Variants in HYCC2 observed in about 807,000 individuals in gnomAD.
The protein encoded by HYCC2 is hyccin 2.
the HYCC2 span, chr2:200,980,244 A>G: frequency 9.2e-5 from 14 of 152,718 alleles, no homozygotes; most frequent in Non-Finnish European, 8.8e-5. Context: ...TTATAGTCTG[A>G]CATAACAGAA....
the HYCC2 span, among the ~76,000 whole-genome samples, chr2:201,032,918 G>A: frequency 1.1e-4 from 17 of 151,882 alleles, no homozygotes; most frequent in African/African-American, 4.1e-4. Context: ...AAGTTTTTTA[G>A]ATAATTATAA....
chr2:201,020,164 C>T, the HYCC2 span, among the ~76,000 whole-genome samples: 1 of 152,124 alleles, frequency 6.6e-6, no homozygotes, highest in Non-Finnish European at 1.5e-5. Context: ...TTCTCAAATT[C>T]TTAATATAAA....
the HYCC2 span, among the ~76,000 whole-genome samples, chr2:201,061,625 T>C: frequency 1.7e-4 from 25 of 149,870 alleles, no homozygotes; most frequent in South Asian, 2.7e-3. Context: ...TTCATACTTA[T>C]AGTTTTTTTT....
the HYCC2 span, chr2:201,063,808 T>C: frequency 6.3e-7 from 1 of 1,590,788 alleles, no homozygotes; most frequent in African/African-American, 1.3e-5. Flanking sequence ...ATGATGGCAG[T>C]GGGGATGGCT....
the HYCC2 span, chr2:201,017,266 TAA>T: frequency 1.1e-6 from 1 of 892,884 alleles, no homozygotes; most frequent in East Asian, 2.7e-5. Flanking sequence ...ATAATATTTT[TAA>T]AAGTCTTAAT....
chr2:201,059,811 C>T, the HYCC2 span, among the ~76,000 whole-genome samples: 1 of 151,942 alleles, frequency 6.6e-6, no homozygotes, highest in African/African-American at 2.4e-5. Flanking sequence ...TTTGGGAGGC[C>T]GAGGCGGGTG....
chr2:201,010,531 C>A, the HYCC2 span, among the ~76,000 whole-genome samples: 1 of 152,152 alleles, frequency 6.6e-6, no homozygotes, highest in African/African-American at 2.4e-5. Context: ...CATTTACCTA[C>A]ATGATTATCA....
chr2:201,011,216 T>G, the HYCC2 span, among the ~76,000 whole-genome samples: 1 of 151,828 alleles, frequency 6.6e-6, no homozygotes, highest in African/African-American at 2.4e-5. Context: ...CTAAAGAAAA[T>G]TTTCATTATT....
the HYCC2 span, among the ~76,000 whole-genome samples, chr2:201,012,234 C>T: frequency 4.0e-5 from 6 of 151,894 alleles, no homozygotes; most frequent in African/African-American, 9.7e-5. Flanking sequence ...CCAAGGCAGT[C>T]GGATCGCTTC....
At chr2:201,031,591 C>A in the HYCC2 span, among the ~76,000 whole-genome samples, 1 of 152,084 alleles carries the variant, frequency 6.6e-6, no homozygotes, top group Non-Finnish European at 1.5e-5. Flanking sequence ...GCGGAGGTTG[C>A]GGTGAGCCGA....
the HYCC2 span, chr2:201,022,050 G>A: frequency 1.6e-6 from 2 of 1,287,678 alleles, no homozygotes; most frequent in African/African-American, 3.0e-5. Context: ...CTGGTTAGGA[G>A]AGGATTACCT....
chr2:201,000,521 A>G, the HYCC2 span, among the ~76,000 whole-genome samples: 3 of 152,348 alleles, frequency 2.0e-5, no homozygotes, highest in East Asian at 1.9e-4. Flanking sequence ...CCAGAATGCC[A>G]TATCACTCTT....
the HYCC2 span, among the ~76,000 whole-genome samples, chr2:200,985,903 C>T: frequency 6.6e-6 from 1 of 152,208 alleles, no homozygotes; most frequent in African/African-American, 2.4e-5. Flanking sequence ...AATCTAATCC[C>T]ACACTTTCTG....
At chr2:200,999,028 G>C in the HYCC2 span, among the ~76,000 whole-genome samples, 1 of 152,128 alleles carries the variant, frequency 6.6e-6, no homozygotes, top group African/African-American at 2.4e-5. Flanking sequence ...GCTGTGATGG[G>C]GGTGGATGCC....
chr2:201,027,112 T>TA, the HYCC2 span, among the ~76,000 whole-genome samples: 1 of 151,818 alleles, frequency 6.6e-6, no homozygotes, highest in African/African-American at 2.4e-5. Flanking sequence ...ATAGATGCAA[T>TA]AAAAAATGAT....
chr2:201,043,671 G>A, the HYCC2 span, among the ~76,000 whole-genome samples: 2 of 151,704 alleles, frequency 1.3e-5, no homozygotes, highest in Admixed American at 1.3e-4. Context: ...ACCATGCCTG[G>A]CTAATTTTTT....
the HYCC2 span, among the ~76,000 whole-genome samples, chr2:201,036,245 T>C: frequency 2.0e-5 from 3 of 152,150 alleles, no homozygotes; most frequent in Non-Finnish European, 4.4e-5. Context: ...ATTGAGGCAA[T>C]AATTAATAGC....
the HYCC2 span, among the ~76,000 whole-genome samples, chr2:201,000,209 C>A: frequency 6.6e-6 from 1 of 151,510 alleles, no homozygotes; most frequent in Admixed American, 6.6e-5. Flanking sequence ...CCTGTTGGTA[C>A]AAAAATAATT....
chr2:200,981,166 G>A, the HYCC2 span: 157 of 1,348,204 alleles, frequency 1.2e-4, no homozygotes, highest in Admixed American at 2.9e-4. The surrounding 1 kb of genome is among the most constrained non-coding windows in gnomAD (Gnocchi z 4.5). Flanking sequence ...AATGAAATCT[G>A]ATAACAGTGA....
Sources: gnomAD v4.1 joint callset for allele counts (sites outside exome capture counted in the v4.1 genomes callset) on GRCh38, gnomAD v4.1.1 for gene constraint, Gnocchi (gnomAD v3.1) non-coding constraint, MANE v1.5 for transcripts, NCBI Gene and HGNC (gene_info 2026-07-23, HGNC 2026-07-21) for gene names.